PLXDC1: variants seen among roughly 807,000 people sequenced by gnomAD.
The protein encoded by PLXDC1 is plexin domain containing 1.
Under a neutral mutation model 61.3 loss-of-function variants are expected in PLXDC1, and 39 were observed. The observed-to-expected ratio is 0.64, with a 90% CI of 0.49 to 0.83. The LOEUF is 0.83. Among genes scored for constraint, PLXDC1 ranks in the 40% least tolerant of loss-of-function variants. The pLI is 0.00. For missense variants in PLXDC1, 596 were observed against 666.5 expected (o/e 0.89, Z 1.17); for synonymous variants, 212 against 254.5 (o/e 0.83, Z 1.59).
rs567322444 is a variant in PLXDC1 at position 39,106,811 on chromosome 17, G to A, written c.711+596C>T. ...ATTACAGGTGCCTGCCACCACGTCCGGCTAAATTTTTTGTATTTTTAGTAG... is the reference window on the plus strand; with the variant it reads ...ATTACAGGTGCCTGCCACCACGTCCAGCTAAATTTTTTGTATTTTTAGTAG... On this transcript the variant is annotated intron_variant, in intron 6 of 13. Transcript: ENST00000315392. 7.9e-5 allele frequency among the ~76,000 whole-genome samples: 12 copies of A among 151,770 alleles called. No homozygotes were observed. The South Asian group carries it at 1.5e-3, about 19-fold the overall frequency.
intron 2 of PLXDC1, among the ~76,000 whole-genome samples, chr17:39,135,863 G>GT (rs1445720956): frequency 6.6e-6 from 1 of 152,084 alleles, no homozygotes; most frequent in Non-Finnish European, 1.5e-5. Context: ...AATTTGTGGT[G>GT]TTTTTTAAGC....
intron 2 of PLXDC1, among the ~76,000 whole-genome samples, chr17:39,130,822 A>G (rs370503719): frequency 6.6e-6 from 1 of 152,294 alleles, no homozygotes; most frequent in South Asian, 2.1e-4. Context: ...TCGGCCTCCC[A>G]AAGTGCTGGG....
At chr17:39,090,899 CTA>C (rs1909924779) in intron 7 of PLXDC1, among the ~76,000 whole-genome samples, 1 of 141,540 alleles carries the variant, frequency 7.1e-6, no homozygotes, top group East Asian at 2.0e-4. Flanking sequence ...CTCTCTCTCT[CTA>C]GGACGGCATA....
At chr17:39,133,995 C>T (rs1047061820) in intron 2 of PLXDC1, among the ~76,000 whole-genome samples, 18 of 151,938 alleles carry the variant, frequency 1.2e-4, no homozygotes, top group African/African-American at 3.6e-4. Context: ...CAGTGGCTCA[C>T]GCCTGTAATC....
chr17:39,142,720 G>C (rs1458303179), intron 1 of PLXDC1, among the ~76,000 whole-genome samples: 1 of 152,200 alleles, frequency 6.6e-6, no homozygotes, highest in Non-Finnish European at 1.5e-5. Flanking sequence ...TTTTCGTAGA[G>C]GCTGGGTTTC....
chr17:39,084,606 C>T (rs774050200), intron 8 of PLXDC1, among the ~76,000 whole-genome samples: 19 of 152,176 alleles, frequency 1.2e-4, no homozygotes, highest in African/African-American at 4.1e-4. Context: ...TGTGCAGAGC[C>T]GAGAGGGGAA....
chr17:39,098,871 G>T (rs1172847848), intron 7 of PLXDC1, among the ~76,000 whole-genome samples: 2 of 152,178 alleles, frequency 1.3e-5, no homozygotes, highest in African/African-American at 4.8e-5. Context: ...GCAGAGGGCG[G>T]TGAGCGGAGG....
intron 7 of PLXDC1, among the ~76,000 whole-genome samples, chr17:39,088,055 C>A (rs1400725232): frequency 6.6e-6 from 1 of 152,186 alleles, no homozygotes; most frequent in African/African-American, 2.4e-5. Flanking sequence ...CCTTGCAGAT[C>A]TAGCTCAAGG....
At chr17:39,092,289 G>T (rs1211390259) in intron 7 of PLXDC1, among the ~76,000 whole-genome samples, 2 of 151,854 alleles carry the variant, frequency 1.3e-5, no homozygotes, top group Non-Finnish European at 2.9e-5. Context: ...ACCCAGGCTG[G>T]TCTCCAACTC....
At chr17:39,117,480 A>C (rs977560209) in intron 2 of PLXDC1, among the ~76,000 whole-genome samples, 2 of 152,142 alleles carry the variant, frequency 1.3e-5, no homozygotes, top group African/African-American at 4.8e-5. Context: ...AAAAGACAAG[A>C]AGCACTTTGG....
intron 2 of PLXDC1, among the ~76,000 whole-genome samples, chr17:39,120,049 A>T (rs878927983): frequency 2.0e-5 from 3 of 152,162 alleles, no homozygotes; most frequent in Non-Finnish European, 4.4e-5. Context: ...GACAGACAGA[A>T]TGGACTCTGT....
chr17:39,122,378 CAAAAAAAAAAAAAA>C (rs71141762), intron 2 of PLXDC1, among the ~76,000 whole-genome samples: 1 of 36,494 alleles, frequency 2.7e-5, no homozygotes, highest in Non-Finnish European at 4.9e-5. Flanking sequence ...GACTCTGTCT[CAAAAAAAAAAAAAA>C]AAAAAAAAAA....
rs144023273 is a variant in PLXDC1, at chr17:39,093,769, CTG to C, written c.812-6069_812-6068del. ...AGCCAAAATCCAAAAGATGGAATGA[CTG>C]TGTGTTTGTCTCCTAAAGAACCCTA... On this transcript the variant is annotated intron_variant, in intron 7 of 13. Transcript: ENST00000315392. Among the ~76,000 whole-genome samples, 860 of 152,106 alleles carry C rather than the reference CTG, an allele frequency of 5.7e-3. 52 individuals are homozygous for C. The East Asian group carries it at 0.13, about 24-fold the overall frequency.
At chr17:39,141,587 G>A (rs1911936041) in intron 1 of PLXDC1, among the ~76,000 whole-genome samples, 1 of 152,204 alleles carries the variant, frequency 6.6e-6, no homozygotes, top group Non-Finnish European at 1.5e-5. Context: ...GAACAATGCT[G>A]CTACAAACAT....
At chr17:39,107,586 G>C in intron 5 of PLXDC1, 61 bp from the exon 6 acceptor site, 1 of 1,243,544 alleles carries the variant, frequency 8.0e-7, no homozygotes, top group South Asian at 1.2e-5. Flanking sequence ...GGGCCCTACA[G>C]AAATGCCAGT....
At chr17:39,090,999 T>C (rs1199053328) in intron 7 of PLXDC1, among the ~76,000 whole-genome samples, 1 of 152,214 alleles carries the variant, frequency 6.6e-6, no homozygotes, top group African/African-American at 2.4e-5. Flanking sequence ...ACCGCGGTAC[T>C]GTGCTGGCAC....
intron 2 of PLXDC1, among the ~76,000 whole-genome samples, chr17:39,132,955 T>C (rs1196962446): frequency 6.6e-6 from 1 of 152,104 alleles, no homozygotes; most frequent in Non-Finnish European, 1.5e-5. Context: ...GAAGTGTTCC[T>C]GTTGAAACCC....
chr17:39,087,913 G>A (rs528835791), intron 7 of PLXDC1, among the ~76,000 whole-genome samples: 2 of 152,310 alleles, frequency 1.3e-5, no homozygotes, highest in South Asian at 2.1e-4. Flanking sequence ...GTGACTCAAC[G>A]CAGAGACCTG....
chr17:39,114,111 A>G (rs941078768), intron 2 of PLXDC1, among the ~76,000 whole-genome samples: 2 of 152,086 alleles, frequency 1.3e-5, no homozygotes, highest in African/African-American at 4.8e-5. Flanking sequence ...CAAGAGCCAC[A>G]CCCTAAGGAT....
Sources: gnomAD v4.1 joint callset for allele counts (sites outside exome capture counted in the v4.1 genomes callset) on GRCh38, gnomAD v4.1.1 for gene constraint, MANE v1.5 for transcripts, NCBI Gene and HGNC (gene_info 2026-07-23, HGNC 2026-07-21) for gene names.